The following GRB14 variants were observed in gnomAD, a reference collection of about 807,000 sequenced individuals.
GRB14 encodes growth factor receptor bound protein 14, also known as growth factor receptor-bound protein 14.
A neutral mutation model predicts 69.1 loss-of-function variants in GRB14; 38 were observed. That is an observed-to-expected ratio of 0.55 (90% confidence interval 0.42 to 0.72). GRB14 has a LOEUF of 0.72. Among genes scored for constraint, GRB14 ranks in the 30% least tolerant of loss-of-function variants. The pLI, the probability that GRB14 is intolerant of heterozygous loss-of-function variation, is 0.00. For missense variants in GRB14, 666 were observed against 666.1 expected, an observed-to-expected ratio of 1.00 and a Z score of 0.00; for synonymous variants, 247 against 241.3, an observed-to-expected ratio of 1.02 and a Z score of -0.22.
intron 2 of GRB14, among the ~76,000 whole-genome samples, chr2:164,619,178 T>C (rs1690380401): frequency 6.6e-6 from 1 of 152,198 alleles, no homozygotes; most frequent in Admixed American, 6.5e-5. Context: ...AACTGAGGAA[T>C]CCACTGAAAT....
intron 6 of GRB14, among the ~76,000 whole-genome samples, chr2:164,515,518 C>G (rs1400799377): frequency 4.6e-5 from 7 of 152,254 alleles, no homozygotes; most frequent in African/African-American, 1.7e-4. Flanking sequence ...AGAGGGAGAG[C>G]ACCATATTAA....
chr2:164,621,418 G>A lies in GRB14; in HGVS notation c.-109C>T. ...GCTAGGCAGCCCGAGCGCTCTGCAG[G>A]TGTGGTGGCCTCGCCGCCTGCGCTC... On this transcript the variant is annotated 5_prime_UTR_variant, in exon 1 of 14. Coordinates refer to ENST00000263915, the MANE Select transcript of GRB14 (RefSeq NM_004490.3). The surrounding 1 kb of genome is among the most constrained non-coding windows in gnomAD (Gnocchi z 6.0). 1 of 943,196 alleles carries A rather than the reference G, an allele frequency of 1.1e-6. No individual in the cohort carries two copies. The highest frequency in any genetic ancestry group is 1.4e-6 in the Non-Finnish European group (1 of 727,004). The allele number at this position is 943,196 out of a possible 1,614,324, so 58.4% of individuals were successfully genotyped here. A position where few individuals can be genotyped will look rare whatever the true frequency, so the allele number is the denominator to read the frequency against.
At chr2:164,562,317 T>A (rs1688850352) in intron 2 of GRB14, among the ~76,000 whole-genome samples, 1 of 152,212 alleles carries the variant, frequency 6.6e-6, no homozygotes, top group African/African-American at 2.4e-5. Context: ...CTATCTTGTA[T>A]TTAAATCTAC....
chr2:164,614,483 T>G (rs543790916), intron 2 of GRB14, among the ~76,000 whole-genome samples: 2 of 152,330 alleles, frequency 1.3e-5, no homozygotes, highest in Admixed American at 1.3e-4. Flanking sequence ...TTAGACGATA[T>G]CAAGGAATTG....
At chr2:164,573,983 C>T (rs1357338655) in intron 2 of GRB14, 2 of 1,579,854 alleles carry the variant, frequency 1.3e-6, no homozygotes, top group African/African-American at 2.7e-5. Context: ...CTTTAGAAGC[C>T]AGATGTTGGC....
chr2:164,534,019 T>C (rs867587359), intron 3 of GRB14, among the ~76,000 whole-genome samples: 2 of 151,996 alleles, frequency 1.3e-5, no homozygotes, highest in African/African-American at 2.4e-5. Flanking sequence ...TTAAGAAAAA[T>C]ACATCTTTTA....
At chr2:164,518,182 A>G (rs1687544462) in intron 6 of GRB14, among the ~76,000 whole-genome samples, 2 of 152,230 alleles carry the variant, frequency 1.3e-5, no homozygotes, top group South Asian at 4.1e-4. Context: ...CTCAGAACAC[A>G]GTGTAATAAA....
At chr2:164,539,758 A>G (rs1343235554) in intron 3 of GRB14, 1 of 152,180 alleles carries the variant, frequency 6.6e-6, no homozygotes, top group Non-Finnish European at 1.5e-5. Flanking sequence ...AAGTCAAAAT[A>G]TCCTTACCTA....
chr2:164,498,236 C>T (rs1019953406), intron 9 of GRB14, among the ~76,000 whole-genome samples: 1 of 152,012 alleles, frequency 6.6e-6, no homozygotes, highest in Non-Finnish European at 1.5e-5. Flanking sequence ...CAAAAATAAG[C>T]CTGAATAAGA....
At chr2:164,564,132 C>T (rs769453129) in intron 2 of GRB14, among the ~76,000 whole-genome samples, 6 of 152,180 alleles carry the variant, frequency 3.9e-5, no homozygotes, top group African/African-American at 1.4e-4. Context: ...TGAGCCGACA[C>T]TTAGGCAATA....
intron 9 of GRB14, among the ~76,000 whole-genome samples, chr2:164,499,610 T>TA (rs1686998057): frequency 6.6e-6 from 1 of 152,046 alleles, no homozygotes; most frequent in Non-Finnish European, 1.5e-5. Context: ...GAGAAGGCCC[T>TA]AAAAAAGGGG....
intron 13 of GRB14, among the ~76,000 whole-genome samples, chr2:164,493,983 T>C: frequency 6.6e-6 from 1 of 152,142 alleles, no homozygotes; most frequent in East Asian, 1.9e-4. Flanking sequence ...TAAAAATGTG[T>C]TCAGAAGTCT....
intron 2 of GRB14, among the ~76,000 whole-genome samples, chr2:164,603,071 C>A (rs1171879845): frequency 6.6e-6 from 1 of 152,040 alleles, no homozygotes; most frequent in Non-Finnish European, 1.5e-5. Flanking sequence ...GAGAGGTGGT[C>A]CAGCTGTATA....
chr2:164,610,304 A>T (rs2105358828), intron 2 of GRB14, among the ~76,000 whole-genome samples: 1 of 152,308 alleles, frequency 6.6e-6, no homozygotes, highest in South Asian at 2.1e-4. Context: ...ATCTTTTCTA[A>T]AGCTGTGGAT....
intron 3 of GRB14, among the ~76,000 whole-genome samples, chr2:164,537,680 A>G (rs1688113567): frequency 6.6e-6 from 1 of 152,190 alleles, no homozygotes; most frequent in South Asian, 2.1e-4. Flanking sequence ...AGCCGAGGCT[A>G]TAAGAATATG....
rs546471070 is a variant in GRB14, at chr2:164,543,142, TA to T, written c.481+4517del. Among the ~76,000 whole-genome samples, 33 of 147,750 alleles carry T rather than the reference TA, an allele frequency of 2.2e-4. 3 individuals carry two copies. The South Asian group carries it at 5.2e-3, about 23-fold the overall frequency. On this transcript the variant is annotated intron_variant, in intron 3 of 13. Coordinates refer to ENST00000263915, the MANE Select transcript of GRB14 (RefSeq NM_004490.3). ...ACCCCATCTCTACTAAAAATAAAAT[TA>T]AAAAAAAAATAGCTGGCTGTGGTGC... is the stretch of plus-strand genomic sequence containing the variant.
chr2:164,499,658 G>T (rs1313319448), intron 9 of GRB14, among the ~76,000 whole-genome samples: 1 of 151,598 alleles, frequency 6.6e-6, no homozygotes, highest in Non-Finnish European at 1.5e-5. Flanking sequence ...TTCTTTTTAA[G>T]AAAAAAAATA....
chr2:164,586,215 T>G (rs6749902), intron 2 of GRB14, among the ~76,000 whole-genome samples: 1 of 152,048 alleles, frequency 6.6e-6, no homozygotes, highest in Non-Finnish European at 1.5e-5. Flanking sequence ...CTGGGAAGCA[T>G]AGAGTAACAT....
chr2:164,612,485 C>G (rs1690190453), intron 2 of GRB14, among the ~76,000 whole-genome samples: 1 of 152,178 alleles, frequency 6.6e-6, no homozygotes, highest in Admixed American at 6.6e-5. Flanking sequence ...CTTTCTACTC[C>G]CTTGCCTTGG....
Sources: gnomAD v4.1 joint callset for allele counts (sites outside exome capture counted in the v4.1 genomes callset) on GRCh38, gnomAD v4.1.1 for gene constraint, Gnocchi (gnomAD v3.1) non-coding constraint, MANE v1.5 for transcripts, NCBI Gene and HGNC (gene_info 2026-07-23, HGNC 2026-07-21) for gene names.